SCMH1: variants seen among roughly 807,000 people sequenced by gnomAD.
SCMH1 encodes polycomb protein SCMH1.
In SCMH1, 37 loss-of-function variants were observed where a neutral mutation model predicts 70.8. That is an observed-to-expected ratio of 0.52 (90% CI 0.40 to 0.69). SCMH1 has a LOEUF of 0.69. Ranked by LOEUF, SCMH1 falls within the 30% of genes least tolerant of loss-of-function variation. The pLI, the probability that SCMH1 is intolerant of heterozygous loss-of-function variation, is 0.00. For synonymous variants in SCMH1, 292 were observed against 307.4 expected, an observed-to-expected ratio of 0.95 and a Z score of 0.52; for missense variants, 607 against 827.3, an observed-to-expected ratio of 0.73 and a Z score of 3.27.
rs1031173783 is a variant in SCMH1 at position 41,113,854 on chromosome 1, T to C, written c.502-328A>G. 4.6e-5 allele frequency among the ~76,000 whole-genome samples: 7 copies of C among 152,198 alleles called. No homozygotes were observed. Among genetic ancestry groups the C allele is most frequent in the Non-Finnish European group, 1.0e-4 (7 of 68,034 alleles). On this transcript the variant is annotated intron_variant, in intron 7 of 14. Transcript: ENST00000337495. This position sits in a 1 kb window ranked among gnomAD's most constrained non-coding sequence, Gnocchi z 4.3. ...GTAACAGCTACCCATGCATGTTTTATATTTTACTATATACATACATACCCA... is the reference window on the plus strand; with the variant it reads ...GTAACAGCTACCCATGCATGTTTTACATTTTACTATATACATACATACCCA...
intron 1 of SCMH1, among the ~76,000 whole-genome samples, chr1:41,197,695 T>TAA (rs143438352): frequency 6.6e-6 from 1 of 150,858 alleles, no homozygotes; most frequent in Non-Finnish European, 1.5e-5. Context: ...TTGCCACAAT[T>TAA]AAAAAAAAAC....
chr1:41,132,708 G>A (rs1320059492), intron 6 of SCMH1, among the ~76,000 whole-genome samples: 1 of 152,120 alleles, frequency 6.6e-6, no homozygotes, highest in Non-Finnish European at 1.5e-5. Flanking sequence ...AATCCATCTT[G>A]AGTTAATTTT....
intron 1 of SCMH1, among the ~76,000 whole-genome samples, chr1:41,212,157 T>C (rs138522511): frequency 1.2e-3 from 185 of 152,186 alleles, no homozygotes; most frequent in Non-Finnish European, 2.0e-3. Context: ...GAACTTAAAG[T>C]ATAAATAAAT....
intron 1 of SCMH1, among the ~76,000 whole-genome samples, chr1:41,225,533 A>G (rs1660097887): frequency 2.0e-5 from 3 of 152,250 alleles, no homozygotes; most frequent in Non-Finnish European, 2.9e-5. Flanking sequence ...TTAACGATTA[A>G]CAGAATGTAG....
At chr1:41,147,242 C>G (rs1291718952) in intron 5 of SCMH1, among the ~76,000 whole-genome samples, 2 of 152,136 alleles carry the variant, frequency 1.3e-5, no homozygotes, top group East Asian at 1.9e-4. Flanking sequence ...GACCCAGATC[C>G]CTTTTATTTC....
At chr1:41,051,469 A>G (rs1024113627) in intron 10 of SCMH1, among the ~76,000 whole-genome samples, 1 of 152,142 alleles carries the variant, frequency 6.6e-6, no homozygotes, top group Admixed American at 6.5e-5. Context: ...ATTCCAGGAG[A>G]AAGCATTGTT....
At chr1:41,181,379 A>G (rs1218211040) in intron 2 of SCMH1, among the ~76,000 whole-genome samples, 4 of 152,360 alleles carry the variant, frequency 2.6e-5, no homozygotes, top group Admixed American at 2.0e-4. Context: ...GCTTCTGCAC[A>G]GCAAAAGAAA....
intron 8 of SCMH1, among the ~76,000 whole-genome samples, chr1:41,082,148 A>G (rs1464187600): frequency 6.6e-6 from 1 of 152,200 alleles, no homozygotes; most frequent in Non-Finnish European, 1.5e-5. Context: ...ACAGGACACA[A>G]AAAGCACTAA....
chr1:41,167,113 G>T (rs903265409), intron 2 of SCMH1, among the ~76,000 whole-genome samples: 2 of 151,968 alleles, frequency 1.3e-5, no homozygotes, highest in African/African-American at 4.8e-5. Flanking sequence ...TGTGATTTTT[G>T]TCCTTTATTC....
chr1:41,037,319 AGAGT>A lies in SCMH1; in HGVS notation c.1678+39_1678+42del. ...AGAGCTCAGGAAGGAAGTGAAGGAA[AGAGT>A]GAGGGAGGGAAGGAGGGCCAGGACT... On this transcript the variant is annotated intron_variant, in intron 13 of 14. Coordinates refer to ENST00000337495, the Ensembl canonical transcript of SCMH1. 1.9e-6 allele frequency: 3 copies of A among 1,585,694 alleles called. No individual in the cohort carries two copies. In the East Asian group the frequency reaches 6.7e-5, roughly 35 times the overall value.
intron 1 of SCMH1, among the ~76,000 whole-genome samples, chr1:41,193,449 AT>A (rs1051033355): frequency 6.6e-6 from 1 of 152,040 alleles, no homozygotes; most frequent in African/African-American, 2.4e-5. Context: ...TCATCGTGTG[AT>A]TTTTGCTATA....
chr1:41,150,282 C>T (rs904709377), intron 5 of SCMH1, among the ~76,000 whole-genome samples: 1 of 152,188 alleles, frequency 6.6e-6, no homozygotes, highest in African/African-American at 2.4e-5. Context: ...GTGGGTGGAT[C>T]ACCTGAAATC....
intron 5 of SCMH1, among the ~76,000 whole-genome samples, chr1:41,145,419 A>G (rs1183991859): frequency 6.6e-6 from 1 of 152,146 alleles, no homozygotes; most frequent in African/African-American, 2.4e-5. Flanking sequence ...TCATGGATCT[A>G]TATGTCTATT....
Position 41,065,789 on chromosome 1 carries a change from C to T in SCMH1, c.1105+4806G>A, listed in dbSNP as rs187854010. On this transcript the variant is annotated intron_variant, in intron 10 of 14. Coordinates refer to ENST00000337495, the Ensembl canonical transcript of SCMH1. ...TAAAAAAGTGAACCTAGACACAGAA[C>T]CTACACTCTTGAAAAAAAGTAACCC... is the stretch of plus-strand genomic sequence containing the variant. Among the ~76,000 whole-genome samples, 1,089 of 152,148 alleles carry T rather than the reference C, an allele frequency of 7.2e-3. 5 individuals carry two copies. Among genetic ancestry groups the T allele is most frequent in the Non-Finnish European group, 0.012 (830 of 68,004 alleles).
chr1:41,138,975 T>C (rs1412517440), intron 6 of SCMH1, among the ~76,000 whole-genome samples: 1 of 152,212 alleles, frequency 6.6e-6, no homozygotes, highest in African/African-American at 2.4e-5. Flanking sequence ...TGAGTTGGCA[T>C]AGTGAAATAC....
At chr1:41,176,594 G>C (rs965438008) in intron 2 of SCMH1, among the ~76,000 whole-genome samples, 3 of 152,222 alleles carry the variant, frequency 2.0e-5, no homozygotes, top group African/African-American at 7.2e-5. Flanking sequence ...CGGCACACCA[G>C]GAGATTATAT....
chr1:41,108,005 T>G (rs1042785468), intron 8 of SCMH1, among the ~76,000 whole-genome samples: 5 of 152,170 alleles, frequency 3.3e-5, no homozygotes, highest in African/African-American at 1.2e-4. Context: ...TCCAGACCAG[T>G]GTAAGAATCC....
chr1:41,205,067 G>T (rs1369595048), intron 1 of SCMH1, among the ~76,000 whole-genome samples: 1 of 152,162 alleles, frequency 6.6e-6, no homozygotes, highest in Non-Finnish European at 1.5e-5. Context: ...AAACAAAAAT[G>T]ACTGAACTGC....
intron 6 of SCMH1, among the ~76,000 whole-genome samples, chr1:41,118,434 C>T (rs376984864): frequency 7.2e-5 from 11 of 152,256 alleles, no homozygotes; most frequent in African/African-American, 2.6e-4. Flanking sequence ...TAAGAAGAAA[C>T]CAAACATGTC....
Sources: allele counts gnomAD v4.1 joint callset (sites outside exome capture counted in the v4.1 genomes callset), GRCh38; gene constraint gnomAD v4.1.1; non-coding constraint Gnocchi (gnomAD v3.1); transcripts MANE v1.5; gene names NCBI Gene and HGNC (gene_info 2026-07-23, HGNC 2026-07-21).